The following BCR variants were observed in gnomAD, a reference collection of about 807,000 sequenced individuals.
The protein encoded by BCR is BCR activator of RhoGEF and GTPase.
In BCR, 58 loss-of-function variants were observed where a neutral mutation model predicts 138.6. The observed-to-expected ratio is 0.42, with a 90% CI of 0.34 to 0.52. The LOEUF (loss-of-function observed/expected upper bound fraction) is 0.52, where lower values mean the gene tolerates loss of function less well. BCR is among the 20% of genes least tolerant of loss of function. BCR has a pLI of 0.06. For missense variants in BCR, 1,599 were observed against 1,727.2 expected (o/e 0.93, Z 1.32); for synonymous variants, 786 against 730.1 (o/e 1.08, Z -1.23).
At position 23,207,008 on chromosome 22, in the gene BCR, C is replaced by T. The variant is rs1286196421; in HGVS notation, c.1279+24769C>T. On this transcript the variant is annotated intron_variant, in intron 1 of 22. Transcript: ENST00000305877. ...ATCCATCATCTGTCTAACATCCAGC[C>T]AACCATCCATCCATTCAACATTGAA... Among the ~76,000 whole-genome samples, 4 of 148,020 alleles carry T rather than the reference C, an allele frequency of 2.7e-5. No homozygotes were observed. In the East Asian group the frequency reaches 8.3e-4, roughly 31 times the overall value.
At chr22:23,195,094 T>A (rs56303233) in intron 1 of BCR, among the ~76,000 whole-genome samples, 2 of 151,686 alleles carry the variant, frequency 1.3e-5, no homozygotes, top group African/African-American at 4.8e-5. Context: ...CTGGCCAACA[T>A]GGTGAAATGT....
At chr22:23,221,134 C>T (rs963447580) in intron 1 of BCR, among the ~76,000 whole-genome samples, 1 of 152,252 alleles carries the variant, frequency 6.6e-6, no homozygotes, top group African/African-American at 2.4e-5. Context: ...ATACTTCATT[C>T]TTCCTAGTGC....
chr22:23,243,984 C>T (rs1040982772), intron 1 of BCR, among the ~76,000 whole-genome samples: 1 of 152,138 alleles, frequency 6.6e-6, no homozygotes, highest in Non-Finnish European at 1.5e-5. Flanking sequence ...TGGGAACACC[C>T]CATCTCCACT....
At chr22:23,232,637 C>G (rs981107301) in intron 1 of BCR, among the ~76,000 whole-genome samples, 1 of 152,212 alleles carries the variant, frequency 6.6e-6, no homozygotes, top group Non-Finnish European at 1.5e-5. Flanking sequence ...GGTTCTGGCC[C>G]AGCTGGGATG....
At chr22:23,188,247 T>C (rs713617) in intron 1 of BCR, among the ~76,000 whole-genome samples, 35,092 of 152,178 alleles carry the variant, frequency 0.23, 4,546 homozygotes, top group East Asian at 0.35. Flanking sequence ...ACAAGCGTTC[T>C]CTGGTTCAGG....
At chr22:23,313,912 C>A in intron 20 of BCR, 56 bp from the exon 21 acceptor site, 1 of 1,423,626 alleles carries the variant, frequency 7.0e-7, no homozygotes. Flanking sequence ...GTGAACACCT[C>A]GGGAGAGGTC....
At chr22:23,280,190 G>A (rs147226049) in intron 8 of BCR, among the ~76,000 whole-genome samples, 1 of 152,172 alleles carries the variant, frequency 6.6e-6, no homozygotes, top group South Asian at 2.1e-4. Context: ...GCTTCTTCCA[G>A]ACTGGCCTTC....
intron 1 of BCR, among the ~76,000 whole-genome samples, chr22:23,229,163 T>C (rs993246946): frequency 1.6e-4 from 25 of 152,242 alleles, no homozygotes; most frequent in Admixed American, 1.6e-3. Context: ...CTCCAGGTAA[T>C]TGTTTATTTT....
intron 10 of BCR, among the ~76,000 whole-genome samples, 176 bp from the exon 11 acceptor site, chr22:23,286,983 C>T (rs527855416): frequency 1.3e-5 from 2 of 152,342 alleles, no homozygotes; most frequent in South Asian, 4.1e-4. Context: ...AAAGCTGTTT[C>T]TGTCCTCCAG....
intron 2 of BCR, among the ~76,000 whole-genome samples, chr22:23,255,060 A>T (rs1382409532): frequency 6.6e-6 from 1 of 152,172 alleles, no homozygotes; most frequent in Non-Finnish European, 1.5e-5. Flanking sequence ...AAATAAAAAG[A>T]GCAAGAGAGA....
At chr22:23,188,715 A>C (rs1338883662) in intron 1 of BCR, among the ~76,000 whole-genome samples, 14 of 151,470 alleles carry the variant, frequency 9.2e-5, no homozygotes, top group Admixed American at 9.2e-4. Context: ...TATGAACCCC[A>C]GGGAATATCT....
chr22:23,196,439 C>T (rs549776221), intron 1 of BCR, among the ~76,000 whole-genome samples: 73 of 152,148 alleles, frequency 4.8e-4, no homozygotes, highest in African/African-American at 1.7e-3. Flanking sequence ...TCTTAGGGGA[C>T]GAGGTTGTGG....
Position 23,250,832 on chromosome 22 carries a change from T to G in BCR, c.1280-2967T>G, listed in dbSNP as rs144138448. On this transcript the variant is annotated intron_variant, in intron 1 of 22. Transcript: ENST00000305877. The stretch of plus-strand genomic sequence containing the variant: ...AGCGAGTCAACGTCTCTGTTAAAAT[T>G]AATAAATGAAGTCAAGAAAGGTGAG... 2.3e-3 allele frequency among the ~76,000 whole-genome samples: 347 copies of G among 152,196 alleles called. 3 individuals are homozygous for G. Among genetic ancestry groups the G allele is most frequent in the African/African-American group, 8.0e-3 (331 of 41,508 alleles).
At chr22:23,227,359 G>C (rs1181294735) in intron 1 of BCR, among the ~76,000 whole-genome samples, 1 of 152,200 alleles carries the variant, frequency 6.6e-6, no homozygotes, top group African/African-American at 2.4e-5. Context: ...TATCTTTTGT[G>C]TGAATTGCAC....
At chr22:23,279,775 C>T (rs1342939090) in intron 8 of BCR, among the ~76,000 whole-genome samples, 1 of 152,226 alleles carries the variant, frequency 6.6e-6, no homozygotes, top group African/African-American at 2.4e-5. Context: ...CTCCATGGAG[C>T]CATGGTCTCT....
intron 10 of BCR, among the ~76,000 whole-genome samples, chr22:23,285,428 C>T (rs1275051038): frequency 6.6e-6 from 1 of 152,180 alleles, no homozygotes; most frequent in Non-Finnish European, 1.5e-5. Flanking sequence ...AGAGCGGCTG[C>T]CAACCCAACC....
At chr22:23,295,376 C>G (rs1480795978) in intron 16 of BCR, among the ~76,000 whole-genome samples, 4 of 152,198 alleles carry the variant, frequency 2.6e-5, no homozygotes, top group Non-Finnish European at 5.9e-5. Flanking sequence ...TGCGTCGGCT[C>G]ATTCCCAAAG....
At position 23,271,540 on chromosome 22, in the gene BCR, A is replaced by G. The variant is rs1434960753; in HGVS notation, c.1869A>G (p.Arg623=). 6.2e-7 allele frequency: 1 copy of G among 1,614,088 alleles called. No homozygotes were observed. Among genetic ancestry groups the G allele is most frequent in the Admixed American group, 1.7e-5 (1 of 60,024 alleles). ...AQFAEISENL[R]ARSNKDAKDP... Reference sequence around the variant, plus strand: ...CGCTTTTCTCTCTGCAGAACCTGAGAGCCAGAAGCAACAAAGATGCCAAGG... The same window carrying G: ...CGCTTTTCTCTCTGCAGAACCTGAGGGCCAGAAGCAACAAAGATGCCAAGG... Residue 623 remains arginine, a synonymous_variant, in exon 6 of 23, where the codon AGA becomes AGG. Transcript: ENST00000305877.
Position 23,285,021 on chromosome 22 carries a change from C to T in BCR, c.2238-12C>T. Reference sequence around the variant, plus strand: ...TCGGTGCATGTGAACGTTCTTCTCTCCCCATCCCCAGCAAAACGCAGCAGT... The same window carrying T: ...TCGGTGCATGTGAACGTTCTTCTCTTCCCATCCCCAGCAAAACGCAGCAGT... On this transcript the variant is annotated splice_polypyrimidine_tract_variant and intron_variant, in intron 9 of 22. Coordinates refer to ENST00000305877, the MANE Select transcript of BCR (RefSeq NM_004327.4). The T allele has an allele frequency of 6.2e-7, 1 of 1,610,398 alleles. No individual in the cohort carries two copies. The highest frequency in any genetic ancestry group is 8.5e-7 in the Non-Finnish European group (1 of 1,177,258).
Sources: allele counts gnomAD v4.1 joint callset (sites outside exome capture counted in the v4.1 genomes callset), GRCh38; gene constraint gnomAD v4.1.1; transcripts MANE v1.5; gene names NCBI Gene and HGNC (gene_info 2026-07-23, HGNC 2026-07-21).